C16orf95: variants seen among roughly 807,000 people sequenced by gnomAD.
The protein encoded by C16orf95 is chromosome 16 open reading frame 95.
C16orf95 carries 41 observed loss-of-function variants against 32.1 expected under a neutral mutation model. That is an observed-to-expected ratio of 1.28 (90% CI 1.00 to 1.66). C16orf95 has a LOEUF of 1.66. C16orf95 is among the 40% of genes most tolerant of loss of function. C16orf95 has a pLI of 0.00. For missense variants in C16orf95, 399 were observed against 325.9 expected (o/e 1.22, Z -1.73); for synonymous variants, 147 against 128.9 (o/e 1.14, Z -0.95).
chr16:87,312,583 A>AG (rs1555545620), intron 3 of C16orf95, among the ~76,000 whole-genome samples: 60 of 150,256 alleles, frequency 4.0e-4, no homozygotes, highest in Middle Eastern at 6.8e-3. Flanking sequence ...AAAAAAAAAA[A>AG]AAAGAAAGAA....
chr16:87,303,929 T>A (rs935364944), intron 6 of C16orf95, among the ~76,000 whole-genome samples: 1 of 152,160 alleles, frequency 6.6e-6, no homozygotes, highest in Non-Finnish European at 1.5e-5. Flanking sequence ...ATTCCTTCCA[T>A]CTTACCAAGT....
rs149984021 is a variant in C16orf95 at position 87,303,943 on chromosome 16, T to C, written c.702-868A>G. 4.3e-4 allele frequency among the ~76,000 whole-genome samples: 65 copies of C among 152,316 alleles called. 1 individual carries two copies. Among genetic ancestry groups the C allele is most frequent in the African/African-American group, 1.5e-3 (61 of 41,566 alleles). On this transcript the variant is annotated intron_variant, in intron 6 of 6. Coordinates refer to ENST00000567970, the MANE Select transcript of C16orf95 (RefSeq NM_001195124.3). The stretch of plus-strand genomic sequence containing the variant: ...CATTCCTTCCATCTTACCAAGTAAT[T>C]TGAGCCTGAGGCCAGGGCTTAGCAA...
intron 1 of C16orf95, 79 bp downstream of exon 1, chr16:87,317,012 A>T (rs1904368647): frequency 7.0e-7 from 1 of 1,429,592 alleles, no homozygotes; most frequent in South Asian, 1.5e-5. Context: ...GCCTGTGCAT[A>T]GGTCATGGAG....
chr16:87,311,439 C>A (rs1021667040), intron 3 of C16orf95, 143 bp from the exon 4 acceptor site: 1 of 754,822 alleles, frequency 1.3e-6, no homozygotes, highest in Admixed American at 2.9e-5. Flanking sequence ...TGTTCCCACC[C>A]ACAAGCACAC....
chr16:87,316,349 C>T (rs1441508550), intron 1 of C16orf95, among the ~76,000 whole-genome samples: 1 of 152,166 alleles, frequency 6.6e-6, no homozygotes, highest in African/African-American at 2.4e-5. Flanking sequence ...TTCCCTGTTC[C>T]ACTCCCCAAC....
At chr16:87,316,776 A>C (rs1013828787) in intron 1 of C16orf95, among the ~76,000 whole-genome samples, 2 of 152,296 alleles carry the variant, frequency 1.3e-5, no homozygotes, top group South Asian at 2.1e-4. Flanking sequence ...ATAACATGTA[A>C]ACCTCAGGAG....
At chr16:87,306,638 G>C (rs1245120587) in intron 5 of C16orf95, among the ~76,000 whole-genome samples, 1 of 152,122 alleles carries the variant, frequency 6.6e-6, no homozygotes, top group African/African-American at 2.4e-5. Context: ...CATTAAAATG[G>C]AAACCAGTCA....
intron 5 of C16orf95, among the ~76,000 whole-genome samples, chr16:87,309,907 A>G (rs148763094): frequency 2.0e-4 from 31 of 152,378 alleles, no homozygotes; most frequent in Admixed American, 1.0e-3. Flanking sequence ...ATGTATGAGT[A>G]TATAATAGGG....
Position 87,315,088 on chromosome 16 carries a change from A to G in C16orf95, c.213T>C (p.Pro71=). Residue 71 remains proline (P), a synonymous_variant, in exon 3 of 7, where the codon CCT becomes CCC. Transcript: ENST00000567970. ...ATTCACAGCAGATGGCCCAGGGGCCAGGGTGCATCTGAGTAAGATCCAGAA... is the reference window on the plus strand; with the variant it reads ...ATTCACAGCAGATGGCCCAGGGGCCGGGGTGCATCTGAGTAAGATCCAGAA... The part of the protein sequence containing the change: ...EVCLPRHSMH[P]GPWAICCECQ... The G allele has an allele frequency of 1.3e-6, 2 of 1,535,942 alleles. No individual in the cohort carries two copies. Among genetic ancestry groups the G allele is most frequent in the Non-Finnish European group, 1.7e-6 (2 of 1,146,808 alleles).
At chr16:87,315,124 T>G (rs745804206) in intron 2 of C16orf95, 28 bp from the exon 3 acceptor site, 1 of 1,533,882 alleles carries the variant, frequency 6.5e-7, no homozygotes, top group South Asian at 1.2e-5. Context: ...ATGACAGAAC[T>G]GAGCTTGATG....
rs966961567 is a variant in C16orf95 at position 87,303,090 on chromosome 16, G to C, written c.702-15C>G. On this transcript the variant is annotated splice_polypyrimidine_tract_variant and intron_variant, in intron 6 of 6. Transcript: ENST00000567970. ...CAAAACACTGGCTGGAAAGCAAAGAGAGACAGTTACTAGGACCCGGCCCCA... is the reference window on the plus strand; with the variant it reads ...CAAAACACTGGCTGGAAAGCAAAGACAGACAGTTACTAGGACCCGGCCCCA... The C allele has an allele frequency of 1.1e-5, 17 of 1,536,110 alleles. No individual in the cohort carries two copies. Among genetic ancestry groups the C allele is most frequent in the Non-Finnish European group, 1.5e-5 (17 of 1,146,888 alleles).
At position 87,317,390 on chromosome 16, in the gene C16orf95, AAC is replaced by A; in HGVS notation, c.-150_-149del. ...CCTCAACCGCTCAGAGGAGCCCAACAACGCCCGCGCGCCCGCCCGTCCCGCTG... is the reference window on the plus strand; with the variant it reads ...CCTCAACCGCTCAGAGGAGCCCAACAGCCCGCGCGCCCGCCCGTCCCGCTG... On this transcript the variant is annotated 5_prime_UTR_variant, in exon 1 of 7. Transcript: ENST00000567970. The A allele has an allele frequency of 1.4e-5, 20 of 1,392,840 alleles. No homozygotes were observed. The highest frequency in any genetic ancestry group is 1.8e-5 in the Non-Finnish European group (19 of 1,077,744). 86.3% of individuals were successfully genotyped at this position (1,392,840 alleles called of 1,614,324 possible).
Position 87,317,343 on chromosome 16 carries a change from C to A in C16orf95, c.-101G>T, listed in dbSNP as rs151206866. 1 of 1,428,280 alleles carries A rather than the reference C, an allele frequency of 7.0e-7. No homozygotes were observed. The highest frequency in any genetic ancestry group is 9.2e-7 in the Non-Finnish European group (1 of 1,091,802). The allele number at this position is 1,428,280 out of a possible 1,614,324, so 88.5% of individuals were successfully genotyped here. On this transcript the variant is annotated 5_prime_UTR_variant, in exon 1 of 7. Transcript: ENST00000567970. ...CCTCCTGCCCCAGGAGGAACCCAAC[C>A]CGAGCTCAACCCCAGCCCCAACCTC...
chr16:87,302,998 A>C lies in C16orf95; in HGVS notation c.*59T>G. 2 of 1,522,586 alleles carry C rather than the reference A, an allele frequency of 1.3e-6. No individual in the cohort carries two copies. Among genetic ancestry groups the C allele is most frequent in the East Asian group, 4.9e-5 (2 of 40,862 alleles). The allele number at this position is 1,522,586 out of a possible 1,614,324, so 94.3% of individuals were successfully genotyped here. On this transcript the variant is annotated 3_prime_UTR_variant, in exon 7 of 7. Coordinates refer to ENST00000567970, the MANE Select transcript of C16orf95 (RefSeq NM_001195124.3). ...CGCCTCCTGATTGGTGGACTCTCAA[A>C]GATCTTGATCGTGACACATTTTTGT...
At chr16:87,307,124 C>T (rs1911064248) in intron 5 of C16orf95, among the ~76,000 whole-genome samples, 2 of 152,166 alleles carry the variant, frequency 1.3e-5, no homozygotes, top group Admixed American at 6.5e-5. Context: ...CACAGATTTA[C>T]TCATTCATAG....
chr16:87,305,907 T>A lies in C16orf95; in HGVS notation c.515-2A>T, dbSNP rs1044828309. 2.8e-6 allele frequency: 4 copies of A among 1,411,790 alleles called. No homozygotes were observed. The Admixed American group carries it at 1.2e-4, about 43-fold the overall frequency. 87.5% of individuals were successfully genotyped at this position (1,411,790 alleles called of 1,614,324 possible). A position where few individuals can be genotyped will look rare whatever the true frequency, so the allele number is the denominator to read the frequency against. The stretch of plus-strand genomic sequence containing the variant: ...AGCAGCATGCATCCAGCAGGGGTGC[T>A]AGGCAAAGAAAAGGTGGGTTGAGGA... On this transcript the variant is annotated splice_acceptor_variant, in intron 5 of 6. Transcript: ENST00000567970. LOFTEE classifies it high-confidence loss of function. The surrounding 1 kb of genome is among the most constrained non-coding windows in gnomAD (Gnocchi z 4.2).
At position 87,311,287 on chromosome 16, in the gene C16orf95, T is replaced by C. The variant is rs1911274818; in HGVS notation, c.340A>G (p.Thr114Ala). 2 of 1,532,420 alleles carry C rather than the reference T, an allele frequency of 1.3e-6. No individual in the cohort carries two copies. Among genetic ancestry groups the C allele is most frequent in the Admixed American group, 2.0e-5 (1 of 50,824 alleles). The allele number at this position is 1,532,420 out of a possible 1,614,324, so 94.9% of individuals were successfully genotyped here. A position where few individuals can be genotyped will look rare whatever the true frequency, so the allele number is the denominator to read the frequency against. Residue 114 changes from threonine to alanine, a missense_variant, in exon 4 of 7, where the codon ACG becomes GCG. Coordinates refer to ENST00000567970, the MANE Select transcript of C16orf95 (RefSeq NM_001195124.3). Reference sequence around the variant, plus strand: ...GTTTGGGGGATAGGAAATTGAACCGTCTTTTGACTCTAACAGAGAGGATGG... The same window carrying C: ...GTTTGGGGGATAGGAAATTGAACCGCCTTTTGACTCTAACAGAGAGGATGG... ...SLRPRKQSQK[T>A]VQFPIPQTAK...
rs1221185421 is a variant in C16orf95, at chr16:87,305,186, C to T, written c.701+533G>A. On this transcript the variant is annotated intron_variant, in intron 6 of 6. Transcript: ENST00000567970. This position sits in a 1 kb window ranked among gnomAD's most constrained non-coding sequence, Gnocchi z 4.2. ...CTGGGGGAGGTATCCCAGCAGAAAG[C>T]CATGGCTGTGGGCAGCAAGGGTGCC... Among the ~76,000 whole-genome samples, 1 of 152,140 alleles carries T rather than the reference C, an allele frequency of 6.6e-6. No individual in the cohort carries two copies. Among genetic ancestry groups the T allele is most frequent in the East Asian group, 1.9e-4 (1 of 5,150 alleles).
In C16orf95 at chr16:87,305,772, G is replaced by A; in HGVS notation, c.648C>T (p.Pro216=). 1.3e-6 allele frequency: 2 copies of A among 1,518,980 alleles called. No individual in the cohort carries two copies. Among genetic ancestry groups the A allele is most frequent in the South Asian group, 2.4e-5 (2 of 83,136 alleles). The allele number at this position is 1,518,980 out of a possible 1,614,324, so 94.1% of individuals were successfully genotyped here. A position where few individuals can be genotyped will look rare whatever the true frequency, so the allele number is the denominator to read the frequency against. ...CCTGGAGGAGGGTCAGGAGGCCGAG[G>A]GGCAGCAGACGCGCTGCAGGAGCCG... The part of the protein sequence containing the change: ...QLPAPAARLL[P]LGLLTLLQAI... The change falls in exon 6 of 7, where the codon CCC becomes CCT. Residue 216 remains proline (P), a synonymous_variant. Transcript: ENST00000567970. The surrounding 1 kb of genome is among the most constrained non-coding windows in gnomAD (Gnocchi z 4.2).
Sources: gnomAD v4.1 joint callset for allele counts (sites outside exome capture counted in the v4.1 genomes callset) on GRCh38, gnomAD v4.1.1 for gene constraint, Gnocchi (gnomAD v3.1) non-coding constraint, MANE v1.5 for transcripts, NCBI Gene and HGNC (gene_info 2026-07-23, HGNC 2026-07-21) for gene names.